Variants in CCDC57 observed in about 807,000 individuals in gnomAD.
The protein encoded by CCDC57 is coiled-coil domain-containing protein 57.
CCDC57 carries 118 observed loss-of-function variants against 118.9 expected under a neutral mutation model. The observed-to-expected ratio is 0.99, with a 90% CI of 0.86 to 1.16. CCDC57 has a LOEUF of 1.16. Ranked by LOEUF, CCDC57 falls within the 50% of genes most tolerant of loss-of-function variation. The pLI, the probability that CCDC57 is intolerant of heterozygous loss-of-function variation, is 0.00. For missense variants in CCDC57, 1,300 were observed against 1,320.7 expected (o/e 0.98, Z 0.24); for synonymous variants, 527 against 532.9 (o/e 0.99, Z 0.15).
intron 16 of CCDC57, among the ~76,000 whole-genome samples, chr17:82,138,892 C>T (rs2039657194): frequency 6.6e-6 from 1 of 152,322 alleles, no homozygotes; most frequent in Non-Finnish European, 1.5e-5. Context: ...CCCGTCACTG[C>T]CGTTACGTTA....
intron 19 of CCDC57, among the ~76,000 whole-genome samples, chr17:82,103,654 C>T (rs1196073346): frequency 2.0e-5 from 3 of 152,230 alleles, no homozygotes; most frequent in Admixed American, 6.5e-5. Flanking sequence ...GGGCTTTGCC[C>T]GGCTTGATCC....
intron 13 of CCDC57, among the ~76,000 whole-genome samples, chr17:82,167,353 C>CTT (rs922771936): frequency 2.1e-5 from 3 of 140,586 alleles, no homozygotes; most frequent in African/African-American, 5.2e-5. Context: ...GACAAAAATT[C>CTT]TTTTTTTTTT....
At chr17:82,132,333 T>C (rs897768557) in intron 17 of CCDC57, among the ~76,000 whole-genome samples, 20 of 152,062 alleles carry the variant, frequency 1.3e-4, no homozygotes, top group African/African-American at 4.8e-4. Context: ...TTCTCAAGGC[T>C]GCAACATGAG....
chr17:82,171,590 C>T, intron 13 of CCDC57, 111 bp downstream of exon 12: 1 of 1,215,070 alleles, frequency 8.2e-7, no homozygotes, highest in Non-Finnish European at 1.1e-6. Context: ...TGACGCCGCC[C>T]CAACGTCTGC....
At chr17:82,113,478 T>G in intron 19 of CCDC57, 1 of 717,598 alleles carries the variant, frequency 1.4e-6, no homozygotes, top group Non-Finnish European at 2.6e-6. Context: ...AGCAGGACTG[T>G]CCTGATCCCA....
chr17:82,164,113 C>T (rs1168229553), intron 13 of CCDC57, among the ~76,000 whole-genome samples: 5 of 152,052 alleles, frequency 3.3e-5, no homozygotes, highest in South Asian at 2.1e-4. Flanking sequence ...CGGTGGCTCA[C>T]GCCTGTAATC....
At chr17:82,102,923 G>C (rs1409204759) in intron 19 of CCDC57, among the ~76,000 whole-genome samples, 4 of 152,006 alleles carry the variant, frequency 2.6e-5, no homozygotes, top group Admixed American at 2.6e-4. Context: ...ACAGTAAGAT[G>C]TGAGCTCAGC....
intron 12 of CCDC57, 48 bp from the exon 12 acceptor site, chr17:82,171,901 C>A: frequency 6.3e-7 from 1 of 1,583,110 alleles, no homozygotes; most frequent in Non-Finnish European, 8.6e-7. Flanking sequence ...AGCATCCTTT[C>A]GCACCTCCCT....
intron 13 of CCDC57, among the ~76,000 whole-genome samples, chr17:82,169,055 T>C (rs1464567227): frequency 6.6e-6 from 1 of 152,188 alleles, no homozygotes; most frequent in African/African-American, 2.4e-5. Flanking sequence ...AGAGTTTAGC[T>C]AGGGGCGATA....
intron 16 of CCDC57, among the ~76,000 whole-genome samples, chr17:82,142,750 C>T (rs946602996): frequency 3.9e-5 from 6 of 152,122 alleles, no homozygotes; most frequent in Admixed American, 1.3e-4. Context: ...AATATCAATA[C>T]GTATATTTAA....
intron 19 of CCDC57, among the ~76,000 whole-genome samples, chr17:82,115,218 G>A (rs78649862): frequency 0.016 from 2,384 of 150,860 alleles, 70 homozygotes; most frequent in African/African-American, 0.056. Context: ...AGTCACTGGA[G>A]CCCTGTGTGA....
In CCDC57 at chr17:82,101,880, A is replaced by G. The variant is rs1230655669; in HGVS notation, c.2900-14T>C. 6.4e-7 allele frequency: 1 copy of G among 1,556,424 alleles called. No individual in the cohort carries two copies. Among genetic ancestry groups the G allele is most frequent in the Admixed American group, 2.0e-5 (1 of 49,140 alleles). ...GAGCTGGGAGCTCTGTCAGGTAAAGAGGAAAAAACAGCATGCATCAGGATG... is the reference window on the plus strand; with the variant it reads ...GAGCTGGGAGCTCTGTCAGGTAAAGGGGAAAAAACAGCATGCATCAGGATG... On this transcript the variant is annotated splice_polypyrimidine_tract_variant and intron_variant, in intron 19 of 19. Coordinates refer to ENST00000665763, the Ensembl canonical transcript of CCDC57.
intron 19 of CCDC57, among the ~76,000 whole-genome samples, chr17:82,108,137 G>A (rs564114443): frequency 3.3e-5 from 5 of 152,364 alleles, no homozygotes; most frequent in African/African-American, 4.8e-5. Context: ...ACAGGCCACT[G>A]TCCCCTTGGC....
Position 82,196,901 on chromosome 17 carries a change from C to T in CCDC57, c.516+1413G>A, listed in dbSNP as rs539276658. Among the ~76,000 whole-genome samples, 612 of 147,224 alleles carry T rather than the reference C, an allele frequency of 4.2e-3. 3 individuals are homozygous for T. The highest frequency in any genetic ancestry group is 0.015 in the African/African-American group (567 of 38,504). On this transcript the variant is annotated intron_variant, in intron 4 of 19. Coordinates refer to ENST00000665763, the Ensembl canonical transcript of CCDC57. ...CTCATGACTCCTGCACCTGCAGAGACGCAGCCCCTCGTGACTCCTGCACCT... is the reference window on the plus strand; with the variant it reads ...CTCATGACTCCTGCACCTGCAGAGATGCAGCCCCTCGTGACTCCTGCACCT...
chr17:82,115,714 G>A (rs2035795873), intron 19 of CCDC57, among the ~76,000 whole-genome samples: 1 of 151,542 alleles, frequency 6.6e-6, no homozygotes, highest in Non-Finnish European at 1.5e-5. Context: ...GGTGGAGTGA[G>A]CTGAGATCGC....
chr17:82,109,984 GTT>G (rs530570604), intron 19 of CCDC57, among the ~76,000 whole-genome samples: 1,491 of 140,830 alleles, frequency 0.011, 23 homozygotes, highest in African/African-American at 0.037. Context: ...AAAGAAGTCT[GTT>G]TTTTTTTTTT....
At chr17:82,195,610 C>G (rs1036822190) in intron 4 of CCDC57, among the ~76,000 whole-genome samples, 1 of 151,386 alleles carries the variant, frequency 6.6e-6, no homozygotes. Context: ...GAGGCCCTGT[C>G]GCTACAGAAA....
intron 7 of CCDC57, among the ~76,000 whole-genome samples, chr17:82,190,565 C>T (rs1198604822): frequency 6.6e-6 from 1 of 152,044 alleles, no homozygotes; most frequent in East Asian, 1.9e-4. Context: ...TGTAGTGGTG[C>T]ATGCCTGTAC....
chr17:82,170,528 G>A (rs1430606848), intron 13 of CCDC57, among the ~76,000 whole-genome samples: 3 of 142,980 alleles, frequency 2.1e-5, no homozygotes, highest in Admixed American at 7.1e-5. Context: ...AAAAAAAAGA[G>A]GAAGAGACAC....
Sources: allele counts gnomAD v4.1 joint callset (sites outside exome capture counted in the v4.1 genomes callset), GRCh38; gene constraint gnomAD v4.1.1; transcripts MANE v1.5; gene names NCBI Gene and HGNC (gene_info 2026-07-23, HGNC 2026-07-21).